Variants in RAP1GAP2 observed in about 807,000 individuals in gnomAD.
RAP1GAP2 encodes rap1 GTPase-activating protein 2.
Under a neutral mutation model 95.0 loss-of-function variants are expected in RAP1GAP2, and 27 were observed. That is an observed-to-expected ratio of 0.28 (90% confidence interval 0.21 to 0.39). The LOEUF is 0.39. RAP1GAP2 is among the 10% of genes least tolerant of loss of function. The probability of loss-of-function intolerance (pLI) is 1.00; values close to 1 mark genes in which losing one functional copy is unlikely to be tolerated. For missense variants in RAP1GAP2, 771 were observed against 970.0 expected (o/e 0.79, Z 2.72); for synonymous variants, 373 against 380.9 (o/e 0.98, Z 0.24).
At position 3,008,191 on chromosome 17, in the gene RAP1GAP2, G is replaced by A. The variant is rs2046395213; in HGVS notation, c.1494+46G>A. The A allele has an allele frequency of 1.2e-6, 2 of 1,610,362 alleles. No individual in the cohort carries two copies. Among genetic ancestry groups the A allele is most frequent in the East Asian group, 4.5e-5 (2 of 44,818 alleles). ...GATGGTTGCTGTGGGGTTGGGATTGGGGAAGAAAGGAAGTGGTCCAAGGTC... is the reference window on the plus strand; with the variant it reads ...GATGGTTGCTGTGGGGTTGGGATTGAGGAAGAAAGGAAGTGGTCCAAGGTC... On this transcript the variant is annotated intron_variant, in intron 17 of 24. Transcript: ENST00000254695. The surrounding 1 kb of genome is among the most constrained non-coding windows in gnomAD (Gnocchi z 4.2).
rs955598715 is a variant in RAP1GAP2 at position 2,903,017 on chromosome 17, G to A, written c.81-2267G>A. Among the ~76,000 whole-genome samples the A allele has an allele frequency of 6.6e-6, 1 of 152,228 alleles. No individual in the cohort carries two copies. Among genetic ancestry groups the A allele is most frequent in the Non-Finnish European group, 1.5e-5 (1 of 68,054 alleles). ...CCAGCTCTGTCCTCCTCTGGACTGT[G>A]TGTTTCTGGAGAGCCAGGGCTGCTG... On this transcript the variant is annotated intron_variant, in intron 2 of 24. Transcript: ENST00000254695. This position sits in a 1 kb window ranked among gnomAD's most constrained non-coding sequence, Gnocchi z 4.1.
At chr17:2,772,575 G>A (rs964317127), upstream of RAP1GAP2, among the ~76,000 whole-genome samples, 16 of 152,086 alleles carry the variant, frequency 1.1e-4, no homozygotes, top group Non-Finnish European at 1.3e-4. Flanking sequence ...GATGACAGAC[G>A]TGAGCCACTG....
rs967798233 is a variant in RAP1GAP2 at position 2,992,195 on chromosome 17, C to T, written c.914+798C>T. Among the ~76,000 whole-genome samples the T allele has an allele frequency of 8.3e-5, 12 of 143,852 alleles. 1 individual carries two copies. The South Asian group carries it at 1.1e-3, about 13-fold the overall frequency. 94.4% of individuals were successfully genotyped at this position (143,852 alleles called of 152,430 possible). A position where few individuals can be genotyped will look rare whatever the true frequency, so the allele number is the denominator to read the frequency against. ...TTTTTTTTTTTGAGATGGAGTCATG[C>T]GCTTTGCCAGGCTGGAATGCAGTGG... On this transcript the variant is annotated intron_variant, in intron 12 of 24. Coordinates refer to ENST00000254695, the MANE Select transcript of RAP1GAP2 (RefSeq NM_015085.5).
rs75268492 is a variant in RAP1GAP2 at position 2,887,377 on chromosome 17, CT to C, written c.81-17893del. 2.4e-3 allele frequency among the ~76,000 whole-genome samples: 345 copies of C among 141,950 alleles called. 1 individual carries two copies. Among genetic ancestry groups the C allele is most frequent in the Middle Eastern group, 3.8e-3 (1 of 264 alleles). The allele number at this position is 141,950 out of a possible 152,430, so 93.1% of individuals were successfully genotyped here. A position where few individuals can be genotyped will look rare whatever the true frequency, so the allele number is the denominator to read the frequency against. On this transcript the variant is annotated intron_variant, in intron 2 of 24. Coordinates refer to ENST00000254695, the MANE Select transcript of RAP1GAP2 (RefSeq NM_015085.5). ...CTGGCTGATGATGAAGAATACTTACCTTTTTTTTTTTTTTAAGATGGAGTTT... is the reference window on the plus strand; with the variant it reads ...CTGGCTGATGATGAAGAATACTTACCTTTTTTTTTTTTTAAGATGGAGTTT...
intron 2 of RAP1GAP2, among the ~76,000 whole-genome samples, chr17:2,833,486 C>T (rs963361093): frequency 1.3e-5 from 2 of 151,676 alleles, no homozygotes; most frequent in African/African-American, 4.8e-5. Context: ...GTCAGGAGAT[C>T]GAGACCATCT....
intron 16 of RAP1GAP2, among the ~76,000 whole-genome samples, chr17:3,006,793 G>A (rs2046354883): frequency 6.6e-6 from 1 of 152,170 alleles, no homozygotes; most frequent in Non-Finnish European, 1.5e-5. Flanking sequence ...CCTGGGATAT[G>A]GGGATAAGTG....
At chr17:2,765,487 C>T (rs2068256601) in intron 1 of RAP1GAP2, among the ~76,000 whole-genome samples, 1 of 152,118 alleles carries the variant, frequency 6.6e-6, no homozygotes, top group Non-Finnish European at 1.5e-5. Context: ...CGCCTGTAAT[C>T]CCAGCACTTT....
chr17:2,825,444 G>A lies in RAP1GAP2; in HGVS notation c.80+24894G>A, dbSNP rs373220433. Among the ~76,000 whole-genome samples, 82 of 152,258 alleles carry A rather than the reference G, an allele frequency of 5.4e-4. 1 individual carries two copies. The South Asian group carries it at 7.1e-3, about 13-fold the overall frequency. On this transcript the variant is annotated intron_variant, in intron 2 of 24. Coordinates refer to ENST00000254695, the MANE Select transcript of RAP1GAP2 (RefSeq NM_015085.5). This position sits in a 1 kb window ranked among gnomAD's most constrained non-coding sequence, Gnocchi z 4.1. Reference sequence around the variant, plus strand: ...GTTGACAGCACCGAGGCCAGAGGCAGGAGAAATGAAGCTGTTTGTTTATCT... The same window carrying A: ...GTTGACAGCACCGAGGCCAGAGGCAAGAGAAATGAAGCTGTTTGTTTATCT...
chr17:2,985,535 A>G (rs2045526796), intron 11 of RAP1GAP2, among the ~76,000 whole-genome samples: 1 of 152,180 alleles, frequency 6.6e-6, no homozygotes, highest in Non-Finnish European at 1.5e-5. Flanking sequence ...CTTGAAGTCA[A>G]CCATGGTGGA....
rs528230760 is a variant in RAP1GAP2, at chr17:2,871,437, C to T, written c.81-33847C>T. Among the ~76,000 whole-genome samples the T allele has an allele frequency of 9.6e-4, 146 of 152,166 alleles. No homozygotes were observed. Among genetic ancestry groups the T allele is most frequent in the African/African-American group, 3.1e-3 (127 of 41,500 alleles). On this transcript the variant is annotated intron_variant, in intron 2 of 24. Transcript: ENST00000254695. The surrounding 1 kb of genome is among the most constrained non-coding windows in gnomAD (Gnocchi z 5.0). ...TGATTGGCCCAGGGAGAGTCAGGGG[C>T]GCACTCTGGTCAGAGTGGTGTTGTG... is the stretch of plus-strand genomic sequence containing the variant.
intron 13 of RAP1GAP2, among the ~76,000 whole-genome samples, chr17:2,997,922 CAA>C (rs1313908992): frequency 2.4e-4 from 16 of 67,682 alleles, no homozygotes; most frequent in African/African-American, 2.3e-4. Context: ...GACCCTGTCT[CAA>C]AAAAAAAAAA....
chr17:2,947,353 C>T (rs962531440), intron 3 of RAP1GAP2, among the ~76,000 whole-genome samples: 1 of 152,016 alleles, frequency 6.6e-6, no homozygotes, highest in Non-Finnish European at 1.5e-5. Flanking sequence ...GGTTGGCCAT[C>T]CAGGGTGAGG....
At chr17:3,031,536 A>G (rs55917031) in intron 23 of RAP1GAP2, among the ~76,000 whole-genome samples, 15 of 104,850 alleles carry the variant, frequency 1.4e-4, no homozygotes, top group Middle Eastern at 0.01. Flanking sequence ...ACTATGGAGA[A>G]CTCCAGGTCC....
At position 2,857,309 on chromosome 17, in the gene RAP1GAP2, C is replaced by T. The variant is rs1482388714; in HGVS notation, c.81-47975C>T. On this transcript the variant is annotated intron_variant, in intron 2 of 24. Transcript: ENST00000254695. This position sits in a 1 kb window ranked among gnomAD's most constrained non-coding sequence, Gnocchi z 4.0. ...GTCTTTTTCATCCTCCTGCTCTCTC[C>T]AGGCCACTTGGAAATATTGCGTATT... Among the ~76,000 whole-genome samples the T allele has an allele frequency of 2.0e-5, 3 of 152,168 alleles. No homozygotes were observed. The highest frequency in any genetic ancestry group is 7.2e-5 in the African/African-American group (3 of 41,432).
At position 2,827,578 on chromosome 17, in the gene RAP1GAP2, C is replaced by T. The variant is rs1270264041; in HGVS notation, c.80+27028C>T. On this transcript the variant is annotated intron_variant, in intron 2 of 24. Transcript: ENST00000254695. This position sits in a 1 kb window ranked among gnomAD's most constrained non-coding sequence, Gnocchi z 4.1. ...ATCCCAGCACTTTGGGAGGCCAAGG[C>T]GGGTGGATCACCTGAGGTCAGGGGT... 4.6e-5 allele frequency among the ~76,000 whole-genome samples: 7 copies of T among 151,882 alleles called. No homozygotes were observed. The highest frequency in any genetic ancestry group is 1.5e-4 in the African/African-American group (6 of 41,340).
intron 3 of RAP1GAP2, among the ~76,000 whole-genome samples, chr17:2,914,364 T>C (rs1483556059): frequency 6.6e-6 from 1 of 152,220 alleles, no homozygotes; most frequent in Non-Finnish European, 1.5e-5. Flanking sequence ...TCATGACTAA[T>C]GATGTTGAAT....
At chr17:2,759,561 C>T (rs2071206895) in intron 1 of RAP1GAP2, among the ~76,000 whole-genome samples, 1 of 152,222 alleles carries the variant, frequency 6.6e-6, no homozygotes, top group Admixed American at 6.5e-5. Context: ...AGCAATTCTC[C>T]TGCCTCAGCC....
intron 3 of RAP1GAP2, among the ~76,000 whole-genome samples, chr17:2,932,037 C>T (rs2043172276): frequency 6.6e-6 from 1 of 152,216 alleles, no homozygotes; most frequent in Non-Finnish European, 1.5e-5. Context: ...TTGATCAACA[C>T]CTGCTCTGCA....
chr17:2,927,377 T>C (rs190961792), intron 3 of RAP1GAP2, among the ~76,000 whole-genome samples: 3,712 of 152,134 alleles, frequency 0.024, 129 homozygotes, highest in African/African-American at 0.08. Context: ...ATGGTCTCGA[T>C]CTCCTGACCT....
Sources: allele counts gnomAD v4.1 joint callset (sites outside exome capture counted in the v4.1 genomes callset), GRCh38; gene constraint gnomAD v4.1.1; non-coding constraint Gnocchi (gnomAD v3.1); transcripts MANE v1.5; gene names NCBI Gene and HGNC (gene_info 2026-07-23, HGNC 2026-07-21).